The following NOS3 variants were observed in gnomAD, a reference collection of about 807,000 sequenced individuals.
The protein encoded by NOS3 is NOS type III.
NOS3 carries 98 observed loss-of-function variants against 144.9 expected under a neutral mutation model. That is an observed-to-expected ratio of 0.68 (90% CI 0.57 to 0.80). NOS3 has a LOEUF of 0.80. NOS3 is among the 30% of genes least tolerant of loss of function. NOS3 has a pLI of 0.00. For synonymous variants in NOS3, 714 were observed against 702.4 expected, an observed-to-expected ratio of 1.02 and a Z score of -0.26; for missense variants, 1,465 against 1,656.4, an observed-to-expected ratio of 0.88 and a Z score of 2.01.
chr7:151,001,463 C>T, intron 11 of NOS3, 38 bp downstream of exon 11: 2 of 1,598,304 alleles, frequency 1.3e-6, no homozygotes, highest in Non-Finnish European at 1.7e-6. Context: ...CTGGGCCCAG[C>T]TCTAATTCTA....
At position 151,009,003 on chromosome 7, in the gene NOS3, G is replaced by A. The variant is rs1386304113; in HGVS notation, c.2186G>A (p.Ser729Asn). Residue 729 changes from serine (S) to asparagine (N), a missense_variant, in exon 18 of 27, where the codon AGC becomes AAC. Ser to Asn is a conservative substitution (Grantham distance 46). Coordinates refer to ENST00000297494, the MANE Select transcript of NOS3 (RefSeq NM_000603.5). ...CGAGACATCTTCAGCCCCAAACGGA[G>A]CTGGAAGCGCCAGAGGTACCGGCTG... ...AARDIFSPKR[S>N]WKRQRYRLSA... The A allele has an allele frequency of 1.9e-6, 3 of 1,611,932 alleles. No individual in the cohort carries two copies. Among genetic ancestry groups the A allele is most frequent in the Non-Finnish European group, 2.5e-6 (3 of 1,179,494 alleles).
At chr7:151,005,287 T>C (rs1795189334) in intron 14 of NOS3, among the ~76,000 whole-genome samples, 1 of 152,220 alleles carries the variant, frequency 6.6e-6, no homozygotes, top group Non-Finnish European at 1.5e-5. Flanking sequence ...CAAATCGTTC[T>C]TGCTAACTCT....
Position 151,002,070 on chromosome 7 carries a change from G to T in NOS3, c.1647+105G>T. ...AAGTGTTACAAGTCAGGACTCATGAGGAACCCGGAACCACAGGTGTTCAGA... is the reference window on the plus strand; with the variant it reads ...AAGTGTTACAAGTCAGGACTCATGATGAACCCGGAACCACAGGTGTTCAGA... On this transcript the variant is annotated intron_variant, in intron 13 of 26. Transcript: ENST00000297494. The surrounding 1 kb of genome is among the most constrained non-coding windows in gnomAD (Gnocchi z 4.1). The T allele has an allele frequency of 6.8e-7, 1 of 1,474,558 alleles. No individual in the cohort carries two copies. Among genetic ancestry groups the T allele is most frequent in the Non-Finnish European group, 9.3e-7 (1 of 1,072,254 alleles). The allele number at this position is 1,474,558 out of a possible 1,614,324, so 91.3% of individuals were successfully genotyped here.
intron 5 of NOS3, among the ~76,000 whole-genome samples, chr7:150,997,911 G>A (rs1204122710): frequency 6.6e-6 from 1 of 152,154 alleles, no homozygotes; most frequent in African/African-American, 2.4e-5. Context: ...ATGTCAGGAT[G>A]AGCAGGGTCC....
At chr7:151,013,594 C>A (rs2566517) in intron 25 of NOS3, 130 bp from the exon 26 acceptor site, 1 of 1,018,412 alleles carries the variant, frequency 9.8e-7, no homozygotes, top group African/African-American at 1.6e-5. Flanking sequence ...CCTGTTGACA[C>A]CGCCCCAGGG....
intron 14 of NOS3, among the ~76,000 whole-genome samples, chr7:151,005,374 T>G (rs1270001603): frequency 1.3e-5 from 2 of 152,182 alleles, no homozygotes; most frequent in Non-Finnish European, 2.9e-5. Flanking sequence ...TCCTTCCCCC[T>G]GGGAGGTCCG....
chr7:150,996,986 G>C, intron 5 of NOS3, 61 bp downstream of exon 5: 2 of 1,509,430 alleles, frequency 1.3e-6, no homozygotes, highest in Non-Finnish European at 1.8e-6. Context: ...GGGTGGCGGG[G>C]CAGTTCCTAA....
intron 15 of NOS3, 149 bp from the exon 16 acceptor site, chr7:151,006,740 C>A: frequency 1.4e-6 from 1 of 737,104 alleles, no homozygotes; most frequent in East Asian, 2.5e-5. Context: ...GCTCGGAACC[C>A]CAGGGATGCT....
At chr7:151,011,492 A>C (rs1380039788) in intron 23 of NOS3, among the ~76,000 whole-genome samples, 1 of 138,054 alleles carries the variant, frequency 7.2e-6, no homozygotes, top group Non-Finnish European at 1.6e-5. Context: ...GCTTACTGCA[A>C]CCTCCGCCTC....
chr7:151,000,271 G>T (rs889995905), intron 9 of NOS3, among the ~76,000 whole-genome samples: 5 of 152,028 alleles, frequency 3.3e-5, no homozygotes, highest in Non-Finnish European at 5.9e-5. Context: ...TTTTAGAGAT[G>T]AGAAATTAAA....
At chr7:151,009,292 C>T (rs769229687) in intron 19 of NOS3, 25 bp downstream of exon 19, 4 of 1,593,424 alleles carry the variant, frequency 2.5e-6, no homozygotes, top group Non-Finnish European at 3.4e-6. Context: ...TTTACCGCCC[C>T]CCCACCCCTG....
In NOS3 at chr7:151,001,341, C is replaced by G. The variant is rs1436866132; in HGVS notation, c.1344C>G (p.Ile448Met). The change falls in exon 11 of 27, where the codon ATC becomes ATG. Residue 448 changes from isoleucine to methionine, a missense_variant. Ile to Met is a conservative substitution (Grantham distance 10). Coordinates refer to ENST00000297494, the MANE Select transcript of NOS3 (RefSeq NM_000603.5). ...RGGCPADWAWIVPPISGSLTP... is the reference protein window; with the variant it reads ...RGGCPADWAWMVPPISGSLTP... ...GCTGCCCTGCAGACTGGGCCTGGAT[C>G]GTGCCCCCCATCTCGGGCAGCCTCA... 1 of 1,613,384 alleles carries G rather than the reference C, an allele frequency of 6.2e-7. No homozygotes were observed. The highest frequency in any genetic ancestry group is 1.3e-5 in the African/African-American group (1 of 74,916).
Position 151,010,157 on chromosome 7 carries a change from C to T in NOS3, c.2555C>T (p.Pro852Leu), listed in dbSNP as rs757119361. 15 of 1,610,242 alleles carry T rather than the reference C, an allele frequency of 9.3e-6. No individual in the cohort carries two copies. The highest frequency in any genetic ancestry group is 2.2e-4 in the Middle Eastern group (1 of 4,500). The stretch of plus-strand genomic sequence containing the variant: ...TGGGTGCGGGACCCCCGGCTGCCCC[C>T]GTGCACGCTGCGCCAGGCTCTCACC... ...PGWVRDPRLP[P>L]CTLRQALTFF... Residue 852 changes from proline (P) to leucine (L), a missense_variant, in exon 21 of 27, where the codon CCG (proline) becomes CTG (leucine). By Grantham distance (98) the Pro-to-Leu change is moderately conservative. Transcript: ENST00000297494.
At chr7:150,992,147 T>TAAA (rs11371169) in intron 1 of NOS3, among the ~76,000 whole-genome samples, 10 of 143,688 alleles carry the variant, frequency 7.0e-5, no homozygotes, top group East Asian at 2.0e-4. Context: ...AGACTCTGTC[T>TAAA]AAAAAAAAAA....
At position 151,002,105 on chromosome 7, in the gene NOS3, G is replaced by T; in HGVS notation, c.1648-95G>T. 7.1e-7 allele frequency: 1 copy of T among 1,414,290 alleles called. No individual in the cohort carries two copies. The highest frequency in any genetic ancestry group is 2.4e-5 in the East Asian group (1 of 42,068). The allele number at this position is 1,414,290 out of a possible 1,614,324, so 87.6% of individuals were successfully genotyped here. ...ACCACAGGTGTTCAGAGATCAAGTT[G>T]GGGCCTGAATCTTGCACTGCCAGGG... On this transcript the variant is annotated intron_variant, in intron 13 of 26. Transcript: ENST00000297494. This position sits in a 1 kb window ranked among gnomAD's most constrained non-coding sequence, Gnocchi z 4.1.
In NOS3 at chr7:151,014,010, T is replaced by C; in HGVS notation, c.3453T>C (p.Asp1151=). Residue 1151 remains aspartate (D), a splice_region_variant and synonymous_variant, in exon 27 of 27, where the codon GAT becomes GAC. Transcript: ENST00000297494. ...EAGDVIGVLR[D]QQRYHEDIFG... Reference sequence around the variant, plus strand: ...TCCACTGTGCTCTTTTCCGACAGGATCAGCAACGCTACCACGAAGACATTT... The same window carrying C: ...TCCACTGTGCTCTTTTCCGACAGGACCAGCAACGCTACCACGAAGACATTT... 6.2e-7 allele frequency: 1 copy of C among 1,612,496 alleles called. No homozygotes were observed. The highest frequency in any genetic ancestry group is 8.5e-7 in the Non-Finnish European group (1 of 1,178,988).
rs1795352480 is a variant in NOS3, at chr7:151,013,435, T to A, written c.3255+56T>A. 5.1e-6 allele frequency: 8 copies of A among 1,559,678 alleles called. No individual in the cohort carries two copies. The Admixed American group carries it at 1.4e-4, about 27-fold the overall frequency. ...TGAAGATAGGGAGAGAGGGGAGGAC[T>A]CGCGCTCTCCAGCGGGGCACACCAA... On this transcript the variant is annotated intron_variant, in intron 25 of 26. Transcript: ENST00000297494.
intron 23 of NOS3, chr7:151,012,058 T>G (rs1386871416): frequency 2.7e-6 from 1 of 373,436 alleles, no homozygotes; most frequent in South Asian, 2.9e-5. Flanking sequence ...ACACACTTAG[T>G]GAACCCATTA....
rs1418195710 is a variant in NOS3 at position 151,010,983 on chromosome 7, G to C, written c.2981G>C (p.Arg994Pro). Residue 994 changes from arginine to proline, a missense_variant, in exon 23 of 27, where the codon CGG becomes CCG. Arg to Pro is a moderately radical substitution (Grantham distance 103). Coordinates refer to ENST00000297494, the MANE Select transcript of NOS3 (RefSeq NM_000603.5). ...KPGDPVPCFI[R>P]GAPSFRLPPD... Reference sequence around the variant, plus strand: ...GGAGACCCTGTGCCCTGCTTCATCCGGGGGTAAGTGAGATGGAAGACTTGG... The same window carrying C: ...GGAGACCCTGTGCCCTGCTTCATCCCGGGGTAAGTGAGATGGAAGACTTGG... 1 of 1,611,466 alleles carries C rather than the reference G, an allele frequency of 6.2e-7. No individual in the cohort carries two copies.
Sources: gnomAD v4.1 joint callset for allele counts (sites outside exome capture counted in the v4.1 genomes callset) on GRCh38, gnomAD v4.1.1 for gene constraint, Gnocchi (gnomAD v3.1) non-coding constraint, MANE v1.5 for transcripts, NCBI Gene and HGNC (gene_info 2026-07-23, HGNC 2026-07-21) for gene names.